PARN: variants seen among roughly 807,000 people sequenced by gnomAD.
The protein encoded by PARN is poly(A)-specific ribonuclease, also known as poly(A)-specific ribonuclease PARN.
In PARN, 71 loss-of-function variants were observed where a neutral mutation model predicts 102.8. The observed-to-expected ratio is 0.69, with a 90% confidence interval of 0.57 to 0.84. The LOEUF is 0.84. Ranked by LOEUF, PARN falls within the 40% of genes least tolerant of loss-of-function variation. The pLI is 0.00. For missense variants in PARN, 782 were observed against 760.9 expected, an observed-to-expected ratio of 1.03 and a Z score of -0.33; for synonymous variants, 261 against 252.9, an observed-to-expected ratio of 1.03 and a Z score of -0.30.
At chr16:14,562,771 A>AT (rs1334959892) in intron 18 of PARN, among the ~76,000 whole-genome samples, 8 of 152,234 alleles carry the variant, frequency 5.3e-5, no homozygotes, top group African/African-American at 1.9e-4. Context: ...AAAGATTAGC[A>AT]AACACTTGAG....
chr16:14,539,838 G>T (rs1488248588), intron 21 of PARN, among the ~76,000 whole-genome samples: 1 of 152,172 alleles, frequency 6.6e-6, no homozygotes, highest in African/African-American at 2.4e-5. Flanking sequence ...GACTCAGATG[G>T]AAAATATTTG....
Position 14,623,343 on chromosome 16 carries a change from G to A in PARN, c.327+3763C>T, listed in dbSNP as rs371014843. 1.2e-4 allele frequency among the ~76,000 whole-genome samples: 18 copies of A among 151,686 alleles called. 1 individual carries two copies. In the South Asian group the frequency reaches 3.3e-3, roughly 28 times the overall value. On this transcript the variant is annotated intron_variant, in intron 5 of 23. Transcript: ENST00000437198. ...ATCCTGGCCAACATGGTGAAACCCC[G>A]TCTCTACTAAAAATACAAAAATTAG...
chr16:14,582,165 G>C lies in PARN; in HGVS notation c.1192+16C>G. ...TAGATCACTGCGTGTTTGACTGAAA[G>C]ACATGTAATGCGTACCTAGGTAATT... On this transcript the variant is annotated intron_variant, in intron 17 of 23. Coordinates refer to ENST00000437198, the MANE Select transcript of PARN (RefSeq NM_002582.4). The C allele has an allele frequency of 6.7e-7, 1 of 1,484,068 alleles. No individual in the cohort carries two copies. The highest frequency in any genetic ancestry group is 9.4e-7 in the Non-Finnish European group (1 of 1,061,072). The allele number at this position is 1,484,068 out of a possible 1,614,324, so 91.9% of individuals were successfully genotyped here.
chr16:14,457,298 A>T (rs537733570), intron 22 of PARN, among the ~76,000 whole-genome samples: 2 of 152,266 alleles, frequency 1.3e-5, no homozygotes, highest in South Asian at 4.1e-4. Context: ...AATGAACTGG[A>T]GAGATCCGGT....
At chr16:14,439,735 G>A (rs145838051) in intron 23 of PARN, among the ~76,000 whole-genome samples, 325 of 152,270 alleles carry the variant, frequency 2.1e-3, no homozygotes, top group Non-Finnish European at 4.2e-3. Flanking sequence ...ATGAAAAGAG[G>A]CTGGCTGTGG....
intron 19 of PARN, 106 bp from the exon 20 acceptor site, chr16:14,554,257 A>C: frequency 1.4e-6 from 1 of 716,316 alleles, no homozygotes. Context: ...AACTGTTATG[A>C]ATTCCTCATG....
chr16:14,626,022 A>C (rs957106489), intron 5 of PARN, among the ~76,000 whole-genome samples: 3 of 152,332 alleles, frequency 2.0e-5, no homozygotes, highest in East Asian at 1.9e-4. Flanking sequence ...GTCAGCTACA[A>C]CACCTCTAGA....
chr16:14,577,906 G>A lies in PARN; in HGVS notation c.1262+2968C>T, dbSNP rs111587874. On this transcript the variant is annotated intron_variant, in intron 18 of 23. Transcript: ENST00000437198. ...TGGTCTTGAACTCCTGACCTCAGGT[G>A]ATCCGCCCGCCTCAGCCTCCCAAAG... Among the ~76,000 whole-genome samples the A allele has an allele frequency of 1.0e-3, 157 of 151,416 alleles. 1 individual carries two copies. Among genetic ancestry groups the A allele is most frequent in the African/African-American group, 3.7e-3 (153 of 41,394 alleles).
At chr16:14,459,211 G>C (rs1428998942) in intron 22 of PARN, among the ~76,000 whole-genome samples, 1 of 152,180 alleles carries the variant, frequency 6.6e-6, no homozygotes, top group Non-Finnish European at 1.5e-5. Flanking sequence ...GGGAAAATTT[G>C]TACTGGGGAG....
intron 22 of PARN, among the ~76,000 whole-genome samples, chr16:14,480,400 C>T (rs957474169): frequency 5.9e-5 from 9 of 152,020 alleles, no homozygotes; most frequent in African/African-American, 2.2e-4. Context: ...AGGTAAACCA[C>T]AGAATTGAAA....
intron 22 of PARN, among the ~76,000 whole-genome samples, chr16:14,465,303 C>T (rs186979256): frequency 3.3e-5 from 5 of 152,150 alleles, no homozygotes; most frequent in Admixed American, 1.3e-4. Context: ...AGGCTGGTCT[C>T]GAACTCTGGG....
intron 21 of PARN, among the ~76,000 whole-genome samples, chr16:14,486,598 T>C (rs780170859): frequency 7.2e-5 from 11 of 152,360 alleles, no homozygotes; most frequent in Non-Finnish European, 1.2e-4. Flanking sequence ...ATTTGGAATT[T>C]AGGATCACTT....
chr16:14,625,058 A>T (rs960884467), intron 5 of PARN, among the ~76,000 whole-genome samples: 1 of 151,878 alleles, frequency 6.6e-6, no homozygotes, highest in African/African-American at 2.4e-5. Context: ...TCTCATTGCC[A>T]CCCTCTGCTT....
intron 22 of PARN, among the ~76,000 whole-genome samples, chr16:14,463,667 C>A (rs1358956825): frequency 6.6e-6 from 1 of 151,922 alleles, no homozygotes; most frequent in Non-Finnish European, 1.5e-5. Flanking sequence ...CAAAATAAAA[C>A]ACAGAGAAAA....
At chr16:14,444,670 C>T (rs1364444309) in intron 23 of PARN, among the ~76,000 whole-genome samples, 3 of 152,198 alleles carry the variant, frequency 2.0e-5, no homozygotes, top group Non-Finnish European at 4.4e-5. Flanking sequence ...ACCCCCCTGC[C>T]CCTCTAAATC....
chr16:14,452,600 G>T (rs1867761799), intron 22 of PARN, among the ~76,000 whole-genome samples: 1 of 152,200 alleles, frequency 6.6e-6, no homozygotes, highest in Non-Finnish European at 1.5e-5. Context: ...GCCTCCCAAA[G>T]TGCTGGGATT....
intron 21 of PARN, among the ~76,000 whole-genome samples, chr16:14,499,480 T>G (rs1415693200): frequency 6.6e-6 from 1 of 152,178 alleles, no homozygotes; most frequent in African/African-American, 2.4e-5. Context: ...TCTTCACCAC[T>G]CCTGGACATT....
intron 22 of PARN, among the ~76,000 whole-genome samples, chr16:14,475,668 C>T (rs1596474804): frequency 6.6e-6 from 1 of 152,290 alleles, no homozygotes; most frequent in South Asian, 2.1e-4. Flanking sequence ...CTCTGACCAG[C>T]TCTGCCAAGG....
chr16:14,546,290 T>C (rs1251317068), intron 21 of PARN, among the ~76,000 whole-genome samples: 1 of 152,230 alleles, frequency 6.6e-6, no homozygotes, highest in Non-Finnish European at 1.5e-5. Context: ...GCTGTGCTTT[T>C]TAAAAACACA....
Sources: gnomAD v4.1 joint callset for allele counts (sites outside exome capture counted in the v4.1 genomes callset) on GRCh38, gnomAD v4.1.1 for gene constraint, MANE v1.5 for transcripts, NCBI Gene and HGNC (gene_info 2026-07-23, HGNC 2026-07-21) for gene names.